Variants in RABGAP1L observed in about 807,000 individuals in gnomAD.
RABGAP1L encodes the protein rab GTPase-activating protein 1-like.
RABGAP1L carries 63 observed loss-of-function variants against 137.7 expected under a neutral mutation model. That is an observed-to-expected ratio of 0.46 (90% confidence interval 0.37 to 0.56). RABGAP1L has a LOEUF of 0.56. Ranked by LOEUF, RABGAP1L falls within the 20% of genes least tolerant of loss-of-function variation. The probability of loss-of-function intolerance (pLI) is 0.00; values close to 1 mark genes in which losing one functional copy is unlikely to be tolerated. For missense variants in RABGAP1L, 1,095 were observed against 1,244.0 expected, an observed-to-expected ratio of 0.88 and a Z score of 1.80; for synonymous variants, 431 against 433.7, an observed-to-expected ratio of 0.99 and a Z score of 0.08.
At chr1:174,664,730 C>CTTTTTTTTTTTTTTTTTTTGTTTT (rs747671420) in intron 14 of RABGAP1L, among the ~76,000 whole-genome samples, 1 of 98,914 alleles carries the variant, frequency 1.0e-5, no homozygotes, top group African/African-American at 6.4e-5. Flanking sequence ...TTTCTTTCTG[C>CTTTTTTTTTTTTTTTTTTTGTTTT]TTTCTTTTTT....
intron 11 of RABGAP1L, among the ~76,000 whole-genome samples, chr1:174,334,001 C>T (rs1681260667): frequency 6.6e-6 from 1 of 152,160 alleles, no homozygotes; most frequent in African/African-American, 2.4e-5. Context: ...ATCTGGAAGG[C>T]TCTCTATTAT....
At chr1:174,768,468 T>C (rs994787827) in intron 18 of RABGAP1L, among the ~76,000 whole-genome samples, 8 of 152,170 alleles carry the variant, frequency 5.3e-5, no homozygotes, top group African/African-American at 1.9e-4. Flanking sequence ...TTAACAGGTA[T>C]ATGACCCTCC....
intron 1 of RABGAP1L, among the ~76,000 whole-genome samples, chr1:174,206,940 G>T (rs1668544686): frequency 6.6e-6 from 1 of 152,092 alleles, no homozygotes; most frequent in Non-Finnish European, 1.5e-5. Flanking sequence ...CTGTAGGTAT[G>T]GGGGAGAAGT....
rs563299894 is a variant in RABGAP1L, at chr1:174,943,798, A to G, written c.2341-13659A>G. 5.3e-5 allele frequency among the ~76,000 whole-genome samples: 8 copies of G among 151,852 alleles called. No individual in the cohort carries two copies. The South Asian group carries it at 1.5e-3, about 28-fold the overall frequency. On this transcript the variant is annotated intron_variant, in intron 19 of 25. Coordinates refer to ENST00000681986, the MANE Select transcript of RABGAP1L (RefSeq NM_001366446.1). ...CAGTGAGCCGAGATCACGCCACTGC[A>G]CTCCAGCCGGCGCGACAGTGCGAGA...
At chr1:174,878,102 T>C (rs1345889109) in intron 19 of RABGAP1L, among the ~76,000 whole-genome samples, 1 of 152,190 alleles carries the variant, frequency 6.6e-6, no homozygotes, top group Non-Finnish European at 1.5e-5. Flanking sequence ...TCTCAGGATC[T>C]TAGTGTGTGT....
chr1:174,992,654 G>GAAAC lies in RABGAP1L; in HGVS notation c.*2657_*2660dup, dbSNP rs2149404697. ...GAGTCAGTAGCAATAGTAAAGACTA[G>GAAAC]AAACAAAGAAAATTCAGAATTTGGT... is the stretch of plus-strand genomic sequence containing the variant. On this transcript the variant is annotated 3_prime_UTR_variant, in exon 26 of 26. Transcript: ENST00000681986. 6.6e-6 allele frequency: 1 copy of GAAAC among 151,846 alleles called. No individual in the cohort carries two copies. Among genetic ancestry groups the GAAAC allele is most frequent in the African/African-American group, 2.4e-5 (1 of 41,384 alleles). The allele number at this position is 151,846 out of a possible 1,614,324, so 9.4% of individuals were successfully genotyped here.
chr1:174,918,129 A>G (rs1248311296), intron 19 of RABGAP1L, among the ~76,000 whole-genome samples: 2 of 151,770 alleles, frequency 1.3e-5, no homozygotes, highest in African/African-American at 4.9e-5. Context: ...TAGAACTATT[A>G]TGAAGTAATT....
chr1:174,838,954 A>AAAT, intron 19 of RABGAP1L, among the ~76,000 whole-genome samples: 1 of 135,468 alleles, frequency 7.4e-6, no homozygotes, highest in South Asian at 2.3e-4. Context: ...AAAAAAAAAA[A>AAAT]TGACATGAGT....
intron 8 of RABGAP1L, among the ~76,000 whole-genome samples, chr1:174,273,442 A>C (rs1674720089): frequency 1.3e-5 from 2 of 152,076 alleles, no homozygotes. Flanking sequence ...TGGTACTTCA[A>C]GCCACAGAAA....
At chr1:174,286,665 T>C (rs79486846) in intron 10 of RABGAP1L, among the ~76,000 whole-genome samples, 14,793 of 152,016 alleles carry the variant, frequency 0.097, 1,576 homozygotes, top group African/African-American at 0.26. Context: ...GTCTTTTTTT[T>C]CCCCATAATT....
In RABGAP1L at chr1:174,988,782, G is replaced by T; in HGVS notation, c.2947G>T (p.Glu983Ter). The change falls in exon 25 of 26, where the codon GAA (glutamate) becomes TAA (stop). Residue 983 changes from glutamate to a stop codon, truncating the protein, a stop_gained. Transcript: ENST00000681986. LOFTEE classifies it high-confidence loss of function. ...DSLKKQLREM[E>*]LELAQTKLQL... ...ACTTAAGAAGCAGCTGAGAGAGATGGAACTGGAACTGGCACAAACCAAACT... is the reference window on the plus strand; with the variant it reads ...ACTTAAGAAGCAGCTGAGAGAGATGTAACTGGAACTGGCACAAACCAAACT... 6.5e-7 allele frequency: 1 copy of T among 1,549,786 alleles called. No individual in the cohort carries two copies. Among genetic ancestry groups the T allele is most frequent in the Non-Finnish European group, 8.7e-7 (1 of 1,146,656 alleles).
chr1:174,946,940 ATGTGTGTGTG>A lies in RABGAP1L; in HGVS notation c.2341-10485_2341-10476del, dbSNP rs755558389. On this transcript the variant is annotated intron_variant, in intron 19 of 25. Coordinates refer to ENST00000681986, the MANE Select transcript of RABGAP1L (RefSeq NM_001366446.1). The stretch of plus-strand genomic sequence containing the variant: ...AAAATATATATATATATATATATAT[ATGTGTGTGTG>A]TGTGTGTGTGTGTGTGTGTGTGTGT... 3.9e-4 allele frequency among the ~76,000 whole-genome samples: 24 copies of A among 60,952 alleles called. 1 individual carries two copies. The highest frequency in any genetic ancestry group is 2.8e-3 in the South Asian group (4 of 1,446). 40.0% of individuals were successfully genotyped at this position (60,952 alleles called of 152,430 possible).
intron 12 of RABGAP1L, among the ~76,000 whole-genome samples, chr1:174,383,775 AG>A (rs1686456937): frequency 6.6e-6 from 1 of 152,186 alleles, no homozygotes; most frequent in African/African-American, 2.4e-5. Context: ...TGGGAGCTGT[AG>A]ACCGGAGCTG....
intron 11 of RABGAP1L, among the ~76,000 whole-genome samples, chr1:174,316,580 C>T (rs1679396192): frequency 6.6e-6 from 1 of 152,128 alleles, no homozygotes; most frequent in Non-Finnish European, 1.5e-5. Flanking sequence ...CTTACTTTCT[C>T]CCAAACAAAC....
At chr1:174,171,155 A>T (rs1665352114) in intron 1 of RABGAP1L, among the ~76,000 whole-genome samples, 1 of 152,182 alleles carries the variant, frequency 6.6e-6, no homozygotes, top group East Asian at 1.9e-4. Context: ...GGTGACCTAT[A>T]AGATCCTTCC....
At chr1:174,831,545 C>T (rs1463294072) in intron 19 of RABGAP1L, among the ~76,000 whole-genome samples, 1 of 148,266 alleles carries the variant, frequency 6.7e-6, no homozygotes, top group Non-Finnish European at 1.5e-5. Context: ...CAGTGTTTTG[C>T]TATAGACAGA....
intron 19 of RABGAP1L, among the ~76,000 whole-genome samples, chr1:174,919,382 C>T (rs1661443340): frequency 6.6e-6 from 1 of 152,200 alleles, no homozygotes; most frequent in Admixed American, 6.5e-5. Context: ...CAGGGCTCAG[C>T]TGGGACCATT....
chr1:174,294,606 TG>T (rs1261962485), intron 10 of RABGAP1L, among the ~76,000 whole-genome samples: 1 of 152,170 alleles, frequency 6.6e-6, no homozygotes, highest in Non-Finnish European at 1.5e-5. Context: ...GAAAGGTCAC[TG>T]TTACTACAGT....
chr1:174,182,136 G>A (rs1666420212), intron 1 of RABGAP1L, among the ~76,000 whole-genome samples: 1 of 151,104 alleles, frequency 6.6e-6, no homozygotes, highest in African/African-American at 2.4e-5. Flanking sequence ...GGACTGTTGA[G>A]TAACCACTTG....
Sources: allele counts gnomAD v4.1 joint callset (sites outside exome capture counted in the v4.1 genomes callset), GRCh38; gene constraint gnomAD v4.1.1; transcripts MANE v1.5; gene names NCBI Gene and HGNC (gene_info 2026-07-23, HGNC 2026-07-21).